Variants in SPATA7 observed in about 807,000 individuals in gnomAD.
SPATA7 encodes spermatogenesis associated 7.
A neutral mutation model predicts 51.8 loss-of-function variants in SPATA7; 43 were observed. The ratio of observed to expected loss-of-function variants is 0.83; its 90% confidence interval spans 0.65 to 1.07. The LOEUF is 1.07. SPATA7 is among the 50% of genes least tolerant of loss of function. SPATA7 has a pLI of 0.00. For synonymous variants in SPATA7, 230 were observed against 252.8 expected (o/e 0.91, Z 0.86); for missense variants, 683 against 701.3 (o/e 0.97, Z 0.30).
chr14:88,429,968 C>T (rs1055204590), intron 8 of SPATA7, among the ~76,000 whole-genome samples: 1 of 151,382 alleles, frequency 6.6e-6, no homozygotes. Flanking sequence ...TGCAGTGGTG[C>T]GGTCTCAGCT....
intron 5 of SPATA7, among the ~76,000 whole-genome samples, chr14:88,418,791 T>C (rs2076554935): frequency 6.6e-6 from 1 of 152,110 alleles, no homozygotes; most frequent in African/African-American, 2.4e-5. Context: ...TTCATTATGA[T>C]TTTTTTATTT....
chr14:88,428,472 A>G (rs1350345272), intron 7 of SPATA7: 2 of 152,192 alleles, frequency 1.3e-5, no homozygotes, highest in East Asian at 3.8e-4. Context: ...GGGCCCTGCC[A>G]CTTAAGGCCC....
rs763777521 is a variant in SPATA7 at position 88,431,114 on chromosome 14, A to C, written c.1029-58A>C. 9 of 1,383,192 alleles carry C rather than the reference A, an allele frequency of 6.5e-6. No homozygotes were observed. In the South Asian group the frequency reaches 1.0e-4, roughly 16 times the overall value. 85.7% of individuals were successfully genotyped at this position (1,383,192 alleles called of 1,614,324 possible). ...TGTGTACTAATATACAATGTTATTG[A>C]GTACTTATTGTATGCCAACCACTGT... On this transcript the variant is annotated intron_variant, in intron 8 of 11. Transcript: ENST00000393545.
rs904996968 is a variant in SPATA7, at chr14:88,447,680, G to C, written c.178-7380G>C. Among the ~76,000 whole-genome samples the C allele has an allele frequency of 1.1e-4, 17 of 151,640 alleles. 1 individual carries two copies. The highest frequency in any genetic ancestry group is 9.8e-4 in the Admixed American group (15 of 15,238). On this transcript the variant is annotated intron_variant, in intron 3 of 3. Transcript: ENST00000554802. Reference sequence around the variant, plus strand: ...CAGGAGCTCTTTTAGGGCAGGCCTGGTGGTGACAAAATCTCTCAGCATTTG... The same window carrying C: ...CAGGAGCTCTTTTAGGGCAGGCCTGCTGGTGACAAAATCTCTCAGCATTTG...
At chr14:88,447,908 G>A (rs2077225388) in intron 3 of SPATA7, among the ~76,000 whole-genome samples, 1 of 151,792 alleles carries the variant, frequency 6.6e-6, no homozygotes, top group Admixed American at 6.6e-5. Context: ...CTCTCTGGCT[G>A]CCCTTAACAT....
At position 88,426,431 on chromosome 14, in the gene SPATA7, G is replaced by A. The variant is rs774360285; in HGVS notation, c.572G>A (p.Arg191Gln). ...GTGGATTATGCAGCCTCCGGGCCCCGGAAACTGAGCTCTGGAGCCCTGTAT... is the reference window on the plus strand; with the variant it reads ...GTGGATTATGCAGCCTCCGGGCCCCAGAAACTGAGCTCTGGAGCCCTGTAT... ...SSVDYAASGP[R>Q]KLSSGALYGR... Residue 191 changes from arginine to glutamine, a missense_variant, in exon 6 of 12, where the codon CGG (arginine) becomes CAG (glutamine). By Grantham distance (43) the Arg-to-Gln change is conservative. Coordinates refer to ENST00000393545, the MANE Select transcript of SPATA7 (RefSeq NM_018418.5). The A allele has an allele frequency of 1.1e-5, 17 of 1,614,128 alleles. No homozygotes were observed. Among genetic ancestry groups the A allele is most frequent in the South Asian group, 6.6e-5 (6 of 91,078 alleles).
intron 4 of SPATA7, among the ~76,000 whole-genome samples, chr14:88,408,222 T>C (rs1000821689): frequency 1.4e-4 from 22 of 152,330 alleles, no homozygotes; most frequent in Non-Finnish European, 2.9e-4. Context: ...TTTCACAATA[T>C]TGATTCTTCC....
At position 88,409,443 on chromosome 14, in the gene SPATA7, C is replaced by T. The variant is rs183660607; in HGVS notation, c.239-7268C>T. Among the ~76,000 whole-genome samples the T allele has an allele frequency of 8.1e-3, 1,237 of 152,134 alleles. 15 individuals are homozygous for T. Among genetic ancestry groups the T allele is most frequent in the African/African-American group, 0.028 (1,146 of 41,478 alleles). On this transcript the variant is annotated intron_variant, in intron 4 of 11. Coordinates refer to ENST00000393545, the MANE Select transcript of SPATA7 (RefSeq NM_018418.5). ...TCTGTGGGATCAGTGGTGATATCCC[C>T]TTTGTCGTTTTTTATTGTGCCTTTT...
intron 3 of SPATA7, among the ~76,000 whole-genome samples, chr14:88,448,905 A>AT (rs2077232459): frequency 6.6e-6 from 1 of 151,862 alleles, no homozygotes; most frequent in South Asian, 2.1e-4. Flanking sequence ...AGACTGGGAC[A>AT]TTTTTTTGTC....
chr14:88,405,599 G>T (rs182078375), intron 4 of SPATA7, among the ~76,000 whole-genome samples: 2 of 152,236 alleles, frequency 1.3e-5, no homozygotes, highest in Admixed American at 1.3e-4. Context: ...AAAGAGGATT[G>T]GGTCAAAAAT....
At chr14:88,444,971 C>G (rs894276252) in intron 3 of SPATA7, among the ~76,000 whole-genome samples, 2 of 152,094 alleles carry the variant, frequency 1.3e-5, no homozygotes, top group African/African-American at 4.8e-5. Flanking sequence ...GATGCAGGCT[C>G]TTTTTTGGTT....
chr14:88,414,802 G>A, intron 4 of SPATA7: 1 of 242,124 alleles, frequency 4.1e-6, no homozygotes, highest in Non-Finnish European at 8.2e-6. Flanking sequence ...ACCTTCTGTT[G>A]TTTACCCAAA....
chr14:88,460,252 G>C (rs1273771716), downstream of SPATA7, among the ~76,000 whole-genome samples: 8 of 152,072 alleles, frequency 5.3e-5, no homozygotes. Flanking sequence ...CTGAATGTTG[G>C]CCTGCCTTGC....
At chr14:88,460,836 G>A (rs1010425224) in intron 4 of SPATA7, among the ~76,000 whole-genome samples, 7 of 152,106 alleles carry the variant, frequency 4.6e-5, no homozygotes, top group Admixed American at 1.3e-4. Context: ...CCATCTTTGT[G>A]GTTTTATCTA....
intron 7 of SPATA7, 75 bp from the exon 8 acceptor site, chr14:88,429,273 A>G (rs367972239): frequency 1.3e-6 from 1 of 787,794 alleles, no homozygotes. Flanking sequence ...AATCACTTAA[A>G]ATTTGCTGTG....
chr14:88,401,888 C>T (rs1322430731), intron 4 of SPATA7, among the ~76,000 whole-genome samples: 2 of 129,578 alleles, frequency 1.5e-5, no homozygotes, highest in Admixed American at 7.9e-5. Flanking sequence ...TTTGTGATGA[C>T]ATGATATATA....
downstream of SPATA7, among the ~76,000 whole-genome samples, chr14:88,458,457 G>T (rs2077298648): frequency 6.6e-6 from 1 of 152,180 alleles, no homozygotes; most frequent in African/African-American, 2.4e-5. Context: ...TCTTGGGAGA[G>T]TGTATGTGTC....
chr14:88,387,221 A>T (rs73319844), intron 1 of SPATA7, among the ~76,000 whole-genome samples: 5,280 of 152,148 alleles, frequency 0.035, 290 homozygotes, highest in African/African-American at 0.12. Context: ...GGAAAGGATA[A>T]ATGTAACATT....
chr14:88,458,794 G>A (rs2077300547), downstream of SPATA7, among the ~76,000 whole-genome samples: 1 of 152,088 alleles, frequency 6.6e-6, no homozygotes, highest in East Asian at 1.9e-4. Context: ...TGCTTCTCTA[G>A]TTCTTTTAAT....
Sources: allele counts gnomAD v4.1 joint callset (sites outside exome capture counted in the v4.1 genomes callset), GRCh38; gene constraint gnomAD v4.1.1; transcripts MANE v1.5; gene names NCBI Gene and HGNC (gene_info 2026-07-23, HGNC 2026-07-21).